The following PLS1 variants were observed in gnomAD, a reference collection of about 807,000 sequenced individuals.
The protein encoded by PLS1 is plastin 1, also known as plastin-1.
Under a neutral mutation model 73.7 loss-of-function variants are expected in PLS1, and 32 were observed. That is an observed-to-expected ratio of 0.43 (90% CI 0.33 to 0.58). The LOEUF is 0.58. PLS1 is among the 20% of genes least tolerant of loss of function. The pLI, the probability that PLS1 is intolerant of heterozygous loss-of-function variation, is 0.04. For missense variants in PLS1, 633 were observed against 740.5 expected (o/e 0.85, Z 1.68); for synonymous variants, 217 against 261.3 (o/e 0.83, Z 1.63).
At chr3:142,672,968 A>T (rs143864477) in intron 4 of PLS1, among the ~76,000 whole-genome samples, 42 of 152,256 alleles carry the variant, frequency 2.8e-4, no homozygotes, top group African/African-American at 8.9e-4. Flanking sequence ...ACTGCTTTCT[A>T]TTTCTACAAA....
intron 1 of PLS1, among the ~76,000 whole-genome samples, chr3:142,633,994 C>T (rs1262066466): frequency 1.3e-5 from 2 of 152,040 alleles, no homozygotes; most frequent in African/African-American, 4.8e-5. Context: ...TTTTAAGAGA[C>T]CGAATTCAAA....
At chr3:142,609,971 C>T (rs1332008442) in intron 1 of PLS1, among the ~76,000 whole-genome samples, 4 of 152,178 alleles carry the variant, frequency 2.6e-5, no homozygotes, top group African/African-American at 9.7e-5. Context: ...CTGGTTCAAA[C>T]GATTCTCCTG....
chr3:142,640,226 T>G (rs535360758), intron 1 of PLS1, among the ~76,000 whole-genome samples: 1 of 152,296 alleles, frequency 6.6e-6, no homozygotes, highest in South Asian at 2.1e-4. Flanking sequence ...TCTGAAGGTA[T>G]GGGAGAAAAA....
chr3:142,629,199 A>AT (rs11304758), intron 1 of PLS1, among the ~76,000 whole-genome samples: 6,637 of 145,606 alleles, frequency 0.046, 503 homozygotes, highest in African/African-American at 0.16. Context: ...ATTGGAAATA[A>AT]TTTTTTTTTT....
chr3:142,658,663 A>G (rs1180211992), intron 1 of PLS1, among the ~76,000 whole-genome samples: 1 of 152,208 alleles, frequency 6.6e-6, no homozygotes, highest in Non-Finnish European at 1.5e-5. Context: ...AATTTATAAT[A>G]AATAGTATAT....
intron 1 of PLS1, among the ~76,000 whole-genome samples, chr3:142,623,038 A>G (rs1560034129): frequency 2.6e-5 from 4 of 152,160 alleles, no homozygotes; most frequent in Admixed American, 6.5e-5. Flanking sequence ...AGCACGCTAC[A>G]GCCTTGTACT....
intron 1 of PLS1, chr3:142,645,340 C>A (rs1453422174): frequency 6.6e-6 from 1 of 152,208 alleles, no homozygotes; most frequent in Non-Finnish European, 1.5e-5. Context: ...TGCAGTACCT[C>A]AGACTTGCAA....
chr3:142,608,881 A>G (rs2036070808), intron 1 of PLS1, among the ~76,000 whole-genome samples: 1 of 152,232 alleles, frequency 6.6e-6, no homozygotes, highest in African/African-American at 2.4e-5. Flanking sequence ...AAAGCAGGCA[A>G]TGAGCTATGT....
chr3:142,626,495 G>A (rs1278333827), intron 1 of PLS1, among the ~76,000 whole-genome samples: 2 of 152,022 alleles, frequency 1.3e-5, no homozygotes, highest in African/African-American at 2.4e-5. Context: ...AAAATAAGAC[G>A]ATTTTTTAAA....
chr3:142,612,245 T>G (rs567315393), intron 1 of PLS1, among the ~76,000 whole-genome samples: 1 of 152,242 alleles, frequency 6.6e-6, no homozygotes, highest in African/African-American at 2.4e-5. Flanking sequence ...TAACTCAGGA[T>G]AAACAGCATG....
Position 142,664,210 on chromosome 3 carries a change from A to C in PLS1, c.-28A>C. 2.3e-6 allele frequency: 3 copies of C among 1,321,236 alleles called. No individual in the cohort carries two copies. The highest frequency in any genetic ancestry group is 2.5e-5 in the South Asian group (2 of 79,304). The allele number at this position is 1,321,236 out of a possible 1,614,324, so 81.8% of individuals were successfully genotyped here. On this transcript the variant is annotated 5_prime_UTR_variant, in exon 2 of 16. Coordinates refer to ENST00000457734, the MANE Select transcript of PLS1 (RefSeq NM_001145319.2). ...AATATTGCTTTTTCTAGATATAAAG[A>C]CCTGAAGATAGTCTTTTCTGTCCAA...
chr3:142,685,420 C>G (rs1432915503), intron 8 of PLS1, among the ~76,000 whole-genome samples: 1 of 152,146 alleles, frequency 6.6e-6, no homozygotes, highest in South Asian at 2.1e-4. Context: ...TATTTCTCAT[C>G]ATTTTGTGGG....
chr3:142,616,979 C>A (rs943445011), intron 1 of PLS1, among the ~76,000 whole-genome samples: 6 of 152,120 alleles, frequency 3.9e-5, no homozygotes, highest in Non-Finnish European at 4.4e-5. Flanking sequence ...TTGAGTAGGT[C>A]ATTTAATTGC....
intron 1 of PLS1, among the ~76,000 whole-genome samples, chr3:142,614,228 CT>C (rs1459407006): frequency 1.3e-5 from 2 of 152,194 alleles, no homozygotes; most frequent in African/African-American, 4.8e-5. Context: ...TACATATGTT[CT>C]TTCTCTCAAC....
At chr3:142,678,971 G>A (rs2037785689) in intron 6 of PLS1, among the ~76,000 whole-genome samples, 1 of 152,126 alleles carries the variant, frequency 6.6e-6, no homozygotes, top group African/African-American at 2.4e-5. Context: ...CATTCTAACT[G>A]GTGTAAGATG....
At chr3:142,691,381 C>T (rs921315683) in intron 10 of PLS1, among the ~76,000 whole-genome samples, 4 of 151,844 alleles carry the variant, frequency 2.6e-5, no homozygotes, top group Non-Finnish European at 5.9e-5. Context: ...GCAAAAGCAA[C>T]ACTGTTAGGT....
intron 1 of PLS1, among the ~76,000 whole-genome samples, chr3:142,642,285 A>G (rs1177293912): frequency 6.6e-6 from 1 of 152,084 alleles, no homozygotes; most frequent in Non-Finnish European, 1.5e-5. Context: ...TTTAATTACT[A>G]TCTGATATTC....
At chr3:142,665,168 G>A (rs1484462597) in intron 2 of PLS1, among the ~76,000 whole-genome samples, 1 of 151,552 alleles carries the variant, frequency 6.6e-6, no homozygotes. Context: ...AATGATCACC[G>A]CTGGTCTTGT....
intron 1 of PLS1, among the ~76,000 whole-genome samples, chr3:142,604,895 A>G (rs2035991520): frequency 6.6e-6 from 1 of 151,562 alleles, no homozygotes; most frequent in Non-Finnish European, 1.5e-5. Flanking sequence ...AGATCACGGC[A>G]CTGCATCTCC....
Sources: allele counts gnomAD v4.1 joint callset (sites outside exome capture counted in the v4.1 genomes callset), GRCh38; gene constraint gnomAD v4.1.1; transcripts MANE v1.5; gene names NCBI Gene and HGNC (gene_info 2026-07-23, HGNC 2026-07-21).